The following CNBD1 variants were observed in gnomAD, a reference collection of about 807,000 sequenced individuals.
CNBD1 encodes the protein cyclic nucleotide-binding domain-containing protein 1.
A neutral mutation model predicts 54.4 loss-of-function variants in CNBD1; 71 were observed. The ratio of observed to expected loss-of-function variants is 1.30; its 90% confidence interval spans 1.08 to 1.59. CNBD1 has a LOEUF of 1.59. Among genes scored for constraint, CNBD1 ranks in the 40% most tolerant of loss-of-function variants. The pLI is 0.00. For missense variants in CNBD1, 659 were observed against 518.0 expected (o/e 1.27, Z -2.64); for synonymous variants, 182 against 170.7 (o/e 1.07, Z -0.51).
intron 4 of CNBD1, among the ~76,000 whole-genome samples, chr8:87,082,175 TAATC>T (rs1016503011): frequency 6.6e-6 from 1 of 151,938 alleles, no homozygotes; most frequent in African/African-American, 2.4e-5. Context: ...CCACCCCAAT[TAATC>T]AATCGACCTT....
At chr8:87,265,321 C>T (rs1030135286) in intron 6 of CNBD1, among the ~76,000 whole-genome samples, 5 of 151,870 alleles carry the variant, frequency 3.3e-5, no homozygotes, top group African/African-American at 9.7e-5. Context: ...AGATATGTGG[C>T]GTTATTTCTG....
chr8:87,069,336 C>T (rs1445792098), intron 4 of CNBD1, among the ~76,000 whole-genome samples: 2 of 152,036 alleles, frequency 1.3e-5, no homozygotes, highest in Non-Finnish European at 2.9e-5. Context: ...ACATTTTGAT[C>T]AATGACAGGC....
chr8:87,052,453 G>A (rs947448105), intron 4 of CNBD1, among the ~76,000 whole-genome samples: 3 of 152,158 alleles, frequency 2.0e-5, no homozygotes, highest in Non-Finnish European at 4.4e-5. Context: ...GTAGTTAAGC[G>A]ATTTGGCCCT....
At chr8:87,291,791 T>C (rs192104049) in intron 8 of CNBD1, among the ~76,000 whole-genome samples, 2 of 152,298 alleles carry the variant, frequency 1.3e-5, no homozygotes, top group Admixed American at 1.3e-4. Flanking sequence ...GCTTTCCTTG[T>C]ATTATCTTAA....
intron 4 of CNBD1, among the ~76,000 whole-genome samples, chr8:87,047,167 C>T (rs1810213843): frequency 6.6e-6 from 1 of 152,110 alleles, no homozygotes; most frequent in Non-Finnish European, 1.5e-5. Context: ...TGGCACTTTT[C>T]CTCTGCTTTC....
chr8:87,101,611 G>T (rs1405194937), intron 4 of CNBD1, among the ~76,000 whole-genome samples: 1 of 152,020 alleles, frequency 6.6e-6, no homozygotes, highest in Admixed American at 6.6e-5. Context: ...TAATAATGTT[G>T]AAGACATGAA....
intron 8 of CNBD1, among the ~76,000 whole-genome samples, chr8:87,334,578 CTGTTTTTA>C (rs1250655556): frequency 6.6e-6 from 1 of 151,562 alleles, no homozygotes; most frequent in Non-Finnish European, 1.5e-5. Flanking sequence ...GTATGTTTTT[CTGTTTTTA>C]TTTGTTTCAA....
intron 8 of CNBD1, among the ~76,000 whole-genome samples, chr8:87,308,968 C>T (rs1809211581): frequency 6.6e-6 from 1 of 152,176 alleles, no homozygotes; most frequent in Non-Finnish European, 1.5e-5. Flanking sequence ...ATGCATGCCA[C>T]ATTTTCTTTA....
chr8:87,207,320 A>G (rs1813997219), intron 5 of CNBD1, among the ~76,000 whole-genome samples: 1 of 152,162 alleles, frequency 6.6e-6, no homozygotes, highest in African/African-American at 2.4e-5. Flanking sequence ...TCTATTATAT[A>G]GAATTCTAGA....
In CNBD1 at chr8:87,406,479, C is replaced by CTT. The variant is rs1214001647; in HGVS notation, c.214-22050_214-22049dup. On this transcript the variant is annotated intron_variant, in intron 2 of 7. Coordinates refer to the CNBD1 transcript ENST00000521593. ...ACACACACACACACACACACACACA[C>CTT]TTTTTTTTTTTTTTTTTTGAGACAG... Among the ~76,000 whole-genome samples the CTT allele has an allele frequency of 1.6e-3, 135 of 82,716 alleles. 3 individuals carry two copies. The highest frequency in any genetic ancestry group is 6.0e-3 in the African/African-American group (112 of 18,618). The allele number at this position is 82,716 out of a possible 152,430, so 54.3% of individuals were successfully genotyped here. A position where few individuals can be genotyped will look rare whatever the true frequency, so the allele number is the denominator to read the frequency against.
At chr8:86,892,827 CT>C (rs1328491404) in intron 2 of CNBD1, among the ~76,000 whole-genome samples, 1 of 151,978 alleles carries the variant, frequency 6.6e-6, no homozygotes, top group Non-Finnish European at 1.5e-5. Context: ...GAGAACCTTT[CT>C]TTTTCTTAAT....
intron 4 of CNBD1, among the ~76,000 whole-genome samples, chr8:87,159,425 T>C (rs1812811196): frequency 6.6e-6 from 1 of 152,134 alleles, no homozygotes; most frequent in Admixed American, 6.6e-5. Flanking sequence ...AAGTTATAAT[T>C]AATGAAATAC....
chr8:86,918,908 T>A (rs1351725595), intron 3 of CNBD1, among the ~76,000 whole-genome samples: 1 of 152,016 alleles, frequency 6.6e-6, no homozygotes, highest in Non-Finnish European at 1.5e-5. Context: ...TAGCCCCGCC[T>A]TTCTGAGTCT....
intron 2 of CNBD1, among the ~76,000 whole-genome samples, chr8:87,416,435 T>C (rs1415176688): frequency 1.3e-5 from 2 of 152,012 alleles, no homozygotes; most frequent in Non-Finnish European, 2.9e-5. Flanking sequence ...TTGTGGAGTT[T>C]TAGCTTGTCC....
chr8:87,115,171 A>G (rs1003329051), intron 4 of CNBD1, among the ~76,000 whole-genome samples: 5 of 152,242 alleles, frequency 3.3e-5, no homozygotes, highest in Non-Finnish European at 5.9e-5. Flanking sequence ...ATCTGTAAAC[A>G]TTTGCTTTGC....
intron 4 of CNBD1, among the ~76,000 whole-genome samples, chr8:87,018,540 G>T (rs561351489): frequency 6.6e-6 from 1 of 151,958 alleles, no homozygotes; most frequent in African/African-American, 2.4e-5. Context: ...CATATTTTTA[G>T]TTGGTACCCT....
At chr8:87,155,293 G>C (rs114294376) in intron 4 of CNBD1, among the ~76,000 whole-genome samples, 2 of 152,238 alleles carry the variant, frequency 1.3e-5, no homozygotes, top group African/African-American at 4.8e-5. Flanking sequence ...TCTTTATCCT[G>C]TAGATAATTG....
intron 4 of CNBD1, among the ~76,000 whole-genome samples, chr8:87,003,511 G>A (rs1329842040): frequency 6.6e-6 from 1 of 152,164 alleles, no homozygotes; most frequent in African/African-American, 2.4e-5. Context: ...CTTAAATATT[G>A]TGAATTTTGT....
chr8:86,996,594 C>T (rs80178883), intron 4 of CNBD1, among the ~76,000 whole-genome samples: 5,436 of 152,088 alleles, frequency 0.036, 321 homozygotes, highest in African/African-American at 0.12. Flanking sequence ...TTTTTAAAAT[C>T]GACATATTTT....
Sources: gnomAD v4.1 joint callset for allele counts (sites outside exome capture counted in the v4.1 genomes callset) on GRCh38, gnomAD v4.1.1 for gene constraint, MANE v1.5 for transcripts, NCBI Gene and HGNC (gene_info 2026-07-23, HGNC 2026-07-21) for gene names.